The following PPP3CA variants were observed in gnomAD, a reference collection of about 807,000 sequenced individuals.
PPP3CA encodes the protein CAM-PRP catalytic subunit.
In PPP3CA, 14 loss-of-function variants were observed where a neutral mutation model predicts 66.5. That is an observed-to-expected ratio of 0.21 (90% CI 0.14 to 0.33). PPP3CA has a LOEUF of 0.33. Ranked by LOEUF, PPP3CA falls within the 10% of genes least tolerant of loss-of-function variation. PPP3CA has a pLI of 1.00. For synonymous variants in PPP3CA, 232 were observed against 226.2 expected, an observed-to-expected ratio of 1.03 and a Z score of -0.23; for missense variants, 317 against 639.5, an observed-to-expected ratio of 0.50 and a Z score of 5.44.
At chr4:101,109,432 A>C (rs1721585607) in intron 2 of PPP3CA, among the ~76,000 whole-genome samples, 1 of 151,908 alleles carries the variant, frequency 6.6e-6, no homozygotes, top group Non-Finnish European at 1.5e-5. Flanking sequence ...AACCCTAAAA[A>C]TGCCATGAGA....
At chr4:101,147,002 T>A (rs1407758292) in intron 2 of PPP3CA, among the ~76,000 whole-genome samples, 1 of 152,206 alleles carries the variant, frequency 6.6e-6, no homozygotes, top group Non-Finnish European at 1.5e-5. Context: ...TTAATTTGTA[T>A]AACATTCCTC....
Position 101,159,532 on chromosome 4 carries a change from A to C in PPP3CA, c.259+36384T>G, listed in dbSNP as rs144600291. Among the ~76,000 whole-genome samples, 3 of 152,290 alleles carry C rather than the reference A, an allele frequency of 2.0e-5. No homozygotes were observed. The East Asian group carries it at 5.8e-4, about 29-fold the overall frequency. ...AGACTGTGACAGATTTTTTACCAGA[A>C]GTTTTGTCACTTGAGTGAACTAGAC... On this transcript the variant is annotated intron_variant, in intron 2 of 13. Transcript: ENST00000394854.
chr4:101,147,626 T>C (rs2110296124), intron 2 of PPP3CA, among the ~76,000 whole-genome samples: 1 of 152,252 alleles, frequency 6.6e-6, no homozygotes, highest in Admixed American at 6.5e-5. Flanking sequence ...AGCTATTCTT[T>C]TAAAACTGTA....
chr4:101,218,634 A>G (rs1018319164), intron 1 of PPP3CA, among the ~76,000 whole-genome samples: 3 of 152,098 alleles, frequency 2.0e-5, no homozygotes, highest in African/African-American at 7.2e-5. Flanking sequence ...TAGAAAAAAC[A>G]AAGGAAAAAA....
chr4:101,183,630 T>C (rs1399067619), intron 2 of PPP3CA, among the ~76,000 whole-genome samples: 2 of 152,172 alleles, frequency 1.3e-5, no homozygotes, highest in Non-Finnish European at 2.9e-5. Flanking sequence ...ATTAAAAATA[T>C]ATGAAAGCAA....
At chr4:101,178,102 T>C (rs1214828933) in intron 2 of PPP3CA, among the ~76,000 whole-genome samples, 3 of 152,100 alleles carry the variant, frequency 2.0e-5, no homozygotes, top group African/African-American at 7.2e-5. Flanking sequence ...AGAAATTATT[T>C]CAATCACTTG....
At chr4:101,150,135 G>A (rs1723091827) in intron 2 of PPP3CA, among the ~76,000 whole-genome samples, 1 of 152,058 alleles carries the variant, frequency 6.6e-6, no homozygotes, top group African/African-American at 2.4e-5. Flanking sequence ...TATAAAGACT[G>A]AAATAGAAGG....
intron 1 of PPP3CA, among the ~76,000 whole-genome samples, chr4:101,278,676 T>A (rs1727588077): frequency 6.6e-6 from 1 of 152,238 alleles, no homozygotes; most frequent in Non-Finnish European, 1.5e-5. Flanking sequence ...AGGGTTTGCG[T>A]GGGCAGTCCC....
intron 6 of PPP3CA, among the ~76,000 whole-genome samples, chr4:101,089,233 A>T (rs1729806129): frequency 6.6e-6 from 1 of 151,882 alleles, no homozygotes; most frequent in Non-Finnish European, 1.5e-5. Flanking sequence ...TGAAGAAAAA[A>T]ATGCCAAAGC....
chr4:101,207,471 T>C (rs1311916408), intron 1 of PPP3CA, among the ~76,000 whole-genome samples: 1 of 152,140 alleles, frequency 6.6e-6, no homozygotes, highest in Non-Finnish European at 1.5e-5. Flanking sequence ...CCAGTCAAAG[T>C]GAATCCAAAT....
At chr4:101,074,118 T>G (rs145685557) in intron 8 of PPP3CA, among the ~76,000 whole-genome samples, 1 of 152,338 alleles carries the variant, frequency 6.6e-6, no homozygotes, top group East Asian at 1.9e-4. Context: ...AAGTCAATAC[T>G]AAAAGTTATG....
At chr4:101,314,320 A>AAGC (rs1728816253) in intron 1 of PPP3CA, among the ~76,000 whole-genome samples, 1 of 152,038 alleles carries the variant, frequency 6.6e-6, no homozygotes, top group South Asian at 2.1e-4. Context: ...AAAAAATTTA[A>AAGC]TTTTCAGGCC....
intron 1 of PPP3CA, among the ~76,000 whole-genome samples, chr4:101,296,563 A>G (rs1728207215): frequency 6.6e-6 from 1 of 152,158 alleles, no homozygotes; most frequent in African/African-American, 2.4e-5. Flanking sequence ...TCAGATAAGT[A>G]ATTATAATAT....
At chr4:101,329,966 A>G (rs1331221729) in intron 1 of PPP3CA, among the ~76,000 whole-genome samples, 1 of 152,194 alleles carries the variant, frequency 6.6e-6, no homozygotes, top group Non-Finnish European at 1.5e-5. Context: ...TCCATGGATC[A>G]AGGAGTAATT....
intron 13 of PPP3CA, 112 bp downstream of exon 13, chr4:101,029,054 A>G (rs1726798091): frequency 3.0e-6 from 3 of 1,001,410 alleles, no homozygotes; most frequent in Non-Finnish European, 4.6e-6. Context: ...CTGAGCCACA[A>G]CTGTTAGCTC....
intron 2 of PPP3CA, among the ~76,000 whole-genome samples, chr4:101,124,789 AAGAAAGAAAG>A (rs1188047191): frequency 0.018 from 2,320 of 127,456 alleles, 137 homozygotes; most frequent in African/African-American, 0.046. Context: ...GAAAGAAAGA[AAGAAAGAAAG>A]AGAAAACTGT....
At chr4:101,257,219 T>C (rs1010817949) in intron 1 of PPP3CA, among the ~76,000 whole-genome samples, 6 of 151,940 alleles carry the variant, frequency 3.9e-5, no homozygotes, top group Non-Finnish European at 5.9e-5. Context: ...GGGTGTTTAA[T>C]AAGGATAAGA....
intron 1 of PPP3CA, among the ~76,000 whole-genome samples, chr4:101,335,171 A>C (rs1729585249): frequency 6.6e-6 from 1 of 152,146 alleles, no homozygotes; most frequent in African/African-American, 2.4e-5. Flanking sequence ...CACTGTGTTG[A>C]CACCATAGTT....
chr4:101,328,531 G>A (rs1729274785), intron 1 of PPP3CA, among the ~76,000 whole-genome samples: 1 of 152,116 alleles, frequency 6.6e-6, no homozygotes, highest in African/African-American at 2.4e-5. Flanking sequence ...AGCTATGTGT[G>A]GCTTCCTTTA....
Sources: gnomAD v4.1 joint callset for allele counts (sites outside exome capture counted in the v4.1 genomes callset) on GRCh38, gnomAD v4.1.1 for gene constraint, MANE v1.5 for transcripts, NCBI Gene and HGNC (gene_info 2026-07-23, HGNC 2026-07-21) for gene names.